Variants in PIK3C3 observed in about 807,000 individuals in gnomAD.
PIK3C3 encodes the protein PI3-kinase type 3.
Under a neutral mutation model 126.1 loss-of-function variants are expected in PIK3C3, and 95 were observed. That is an observed-to-expected ratio of 0.75 (90% CI 0.64 to 0.89). The LOEUF (loss-of-function observed/expected upper bound fraction) is 0.89. Ranked by LOEUF, PIK3C3 falls within the 40% of genes least tolerant of loss-of-function variation. The pLI is 0.00. For missense variants in PIK3C3, 829 were observed against 1,063.2 expected (o/e 0.78, Z 3.06); for synonymous variants, 374 against 360.0 (o/e 1.04, Z -0.44).
intron 6 of PIK3C3, among the ~76,000 whole-genome samples, chr18:41,992,251 C>T (rs970344350): frequency 1.3e-5 from 2 of 152,160 alleles, no homozygotes; most frequent in African/African-American, 4.8e-5. Flanking sequence ...TTTCTTGTCA[C>T]CTGTCTTGTG....
chr18:41,970,655 C>T, intron 4 of PIK3C3, 199 bp downstream of exon 4: 1 of 624,936 alleles, frequency 1.6e-6, no homozygotes. Flanking sequence ...AGTAAATTTA[C>T]AGACTTGTAT....
chr18:42,030,225 T>A (rs776648303), intron 15 of PIK3C3, among the ~76,000 whole-genome samples: 7 of 152,224 alleles, frequency 4.6e-5, no homozygotes, highest in Non-Finnish European at 8.8e-5. Flanking sequence ...GTTTCACAAC[T>A]GGTTGTTAGT....
At chr18:42,046,962 A>G (rs1984584238) in intron 20 of PIK3C3, among the ~76,000 whole-genome samples, 2 of 152,090 alleles carry the variant, frequency 1.3e-5, no homozygotes, top group African/African-American at 4.8e-5. Flanking sequence ...ACCCTTACTT[A>G]TTTTTGCATT....
intron 15 of PIK3C3, 59 bp from the exon 16 acceptor site, chr18:42,033,767 T>C (rs1983928466): frequency 7.7e-6 from 10 of 1,290,958 alleles, no homozygotes; most frequent in Admixed American, 2.5e-5. Flanking sequence ...GTCTTTACTA[T>C]ATGTTTTATA....
At position 41,955,252 on chromosome 18, in the gene PIK3C3, C is replaced by T. The variant is rs569878182; in HGVS notation, c.-40C>T. The T allele has an allele frequency of 2.2e-5, 34 of 1,568,574 alleles. No individual in the cohort carries two copies. The highest frequency in any genetic ancestry group is 1.7e-4 in the Middle Eastern group (1 of 5,876). ...TTCATTTATGTTGTTTTTCCTGTAC[C>T]TAAGTTCCCGCTGTAGGTGGTACCT... On this transcript the variant is annotated 5_prime_UTR_variant, in exon 1 of 25. Coordinates refer to ENST00000262039, the MANE Select transcript of PIK3C3 (RefSeq NM_002647.4).
At chr18:42,031,088 A>ATTT (rs1218075082) in intron 15 of PIK3C3, among the ~76,000 whole-genome samples, 2 of 152,140 alleles carry the variant, frequency 1.3e-5, no homozygotes, top group East Asian at 3.9e-4. Flanking sequence ...ATTTACATAT[A>ATTT]TTTACTAGAA....
chr18:42,008,938 C>T (rs567523705), intron 10 of PIK3C3, among the ~76,000 whole-genome samples: 51 of 152,116 alleles, frequency 3.4e-4, no homozygotes, highest in Admixed American at 7.2e-4. Flanking sequence ...AATACCGCAG[C>T]CTTTTTTATG....
At chr18:42,048,809 A>G (rs1382335985) in intron 20 of PIK3C3, among the ~76,000 whole-genome samples, 2 of 152,162 alleles carry the variant, frequency 1.3e-5, no homozygotes, top group Non-Finnish European at 2.9e-5. Flanking sequence ...AAATATTGCT[A>G]TAGTTTTATA....
intron 12 of PIK3C3, among the ~76,000 whole-genome samples, chr18:42,016,466 G>A (rs1236947408): frequency 6.6e-6 from 1 of 152,096 alleles, no homozygotes; most frequent in Non-Finnish European, 1.5e-5. Flanking sequence ...CTCTTAACAT[G>A]TATGGGAACT....
chr18:42,061,047 A>G (rs1295047026), intron 22 of PIK3C3, among the ~76,000 whole-genome samples: 2 of 152,204 alleles, frequency 1.3e-5, no homozygotes, highest in African/African-American at 4.8e-5. Context: ...TTCTATTTTC[A>G]GTAATAAAGG....
At chr18:41,967,039 A>G (rs1317079611) in intron 3 of PIK3C3, among the ~76,000 whole-genome samples, 3 of 152,080 alleles carry the variant, frequency 2.0e-5, no homozygotes, top group Non-Finnish European at 4.4e-5. Flanking sequence ...AAATTAAAAC[A>G]ACTTTTTTTT....
At chr18:42,055,705 A>C (rs536746167) in intron 21 of PIK3C3, among the ~76,000 whole-genome samples, 1 of 152,250 alleles carries the variant, frequency 6.6e-6, no homozygotes, top group South Asian at 2.1e-4. Flanking sequence ...GGAACAGCAG[A>C]AGAAAGTCAA....
Position 42,027,472 on chromosome 18 carries a change from A to G in PIK3C3, c.1514A>G (p.Asp505Gly), listed in dbSNP as rs1254147375. The G allele has an allele frequency of 6.2e-7, 1 of 1,608,254 alleles. No homozygotes were observed. The highest frequency in any genetic ancestry group is 1.7e-5 in the Admixed American group (1 of 59,900). Reference sequence around the variant, plus strand: ...GTGATAGTGGAATGTGAAGATCAAGATACTCAGCAGAGAGATCCAAAGACC... The same window carrying G: ...GTGATAGTGGAATGTGAAGATCAAGGTACTCAGCAGAGAGATCCAAAGACC... Reference protein sequence around the residue: ...WYVIVECEDQDTQQRDPKTHE... With the variant: ...WYVIVECEDQGTQQRDPKTHE... Residue 505 changes from aspartate (D) to glycine (G), a missense_variant, in exon 14 of 25, where the codon GAT (aspartate) becomes GGT (glycine). Around this residue, in one of 4 missense-constraint regions of PIK3C3, gnomAD observed 256 missense variants for 291.0 expected, o/e 0.88. Transcript: ENST00000262039.
At chr18:42,046,880 T>G (rs1984581211) in intron 20 of PIK3C3, among the ~76,000 whole-genome samples, 1 of 152,184 alleles carries the variant, frequency 6.6e-6, no homozygotes, top group South Asian at 2.1e-4. Context: ...TATATTTCAC[T>G]TGACTAAACA....
intron 9 of PIK3C3, among the ~76,000 whole-genome samples, chr18:41,999,182 T>G (rs1334701348): frequency 1.3e-5 from 2 of 152,158 alleles, no homozygotes; most frequent in Non-Finnish European, 2.9e-5. Context: ...TGTTACCATT[T>G]AAATTTATGA....
At chr18:41,989,528 C>T (rs952507990) in intron 5 of PIK3C3, among the ~76,000 whole-genome samples, 1 of 152,086 alleles carries the variant, frequency 6.6e-6, no homozygotes, top group African/African-American at 2.4e-5. Flanking sequence ...ATGATGGTTC[C>T]GTAAGATTAT....
In PIK3C3 at chr18:41,988,032, A is replaced by G. The variant is rs891820181; in HGVS notation, c.618+134A>G. On this transcript the variant is annotated intron_variant, in intron 5 of 24. Transcript: ENST00000262039. Reference sequence around the variant, plus strand: ...GTTAACCCCTGTAGCTGGGAATTCTATGCTAATAACTGGAAAATTGGAGAT... The same window carrying G: ...GTTAACCCCTGTAGCTGGGAATTCTGTGCTAATAACTGGAAAATTGGAGAT... The G allele has an allele frequency of 1.6e-4, 91 of 556,112 alleles. No homozygotes were observed. The African/African-American group carries it at 1.6e-3, about 10-fold the overall frequency. The allele number at this position is 556,112 out of a possible 1,614,324, so 34.4% of individuals were successfully genotyped here. A position where few individuals can be genotyped will look rare whatever the true frequency, so the allele number is the denominator to read the frequency against.
intron 12 of PIK3C3, 136 bp from the exon 13 acceptor site, chr18:42,020,502 G>A (rs1302621438): frequency 3.4e-6 from 2 of 588,150 alleles, no homozygotes; most frequent in Non-Finnish European, 6.1e-6. Context: ...TGTATGTAAG[G>A]ATAGATAAAT....
chr18:41,960,204 A>G lies in PIK3C3; in HGVS notation c.258-2285A>G, dbSNP rs139556358. ...CATATCATGTCCTATTCTGTCCTAC[A>G]CTAAGAGATCCCATGAGGGACACTT... On this transcript the variant is annotated intron_variant, in intron 2 of 24. Coordinates refer to ENST00000262039, the MANE Select transcript of PIK3C3 (RefSeq NM_002647.4). Among the ~76,000 whole-genome samples, 372 of 152,330 alleles carry G rather than the reference A, an allele frequency of 2.4e-3. 1 individual carries two copies. Among genetic ancestry groups the G allele is most frequent in the African/African-American group, 8.4e-3 (349 of 41,558 alleles).
Sources: gnomAD v4.1 joint callset for allele counts (sites outside exome capture counted in the v4.1 genomes callset) on GRCh38, gnomAD v4.1.1 for gene constraint, gnomAD v4.1.1 regional missense constraint, MANE v1.5 for transcripts, NCBI Gene and HGNC (gene_info 2026-07-23, HGNC 2026-07-21) for gene names.